The following PLS3 variants were observed in gnomAD, a reference collection of about 807,000 sequenced individuals.
The protein encoded by PLS3 is plastin 3.
A neutral mutation model predicts 46.5 loss-of-function variants in PLS3; 11 were observed. That is an observed-to-expected ratio of 0.24 (90% CI 0.15 to 0.39). The LOEUF (loss-of-function observed/expected upper bound fraction) is 0.39. Among genes scored for constraint, PLS3 ranks in the 10% least tolerant of loss-of-function variants. The pLI is 1.00. For missense variants in PLS3, 308 were observed against 461.8 expected (o/e 0.67, Z 3.05); for synonymous variants, 167 against 162.2 (o/e 1.03, Z -0.22).
In PLS3 at chrX:115,647,555, C is replaced by T; in HGVS notation, c.1517C>T (p.Thr506Ile). ...ALVWQLMRRYTLNVLEDLGDG... is the reference protein window; with the variant it reads ...ALVWQLMRRYILNVLEDLGDG... Reference sequence around the variant, plus strand: ...TCTTCTGCTGCCTCTCTTAGATATACCCTCAATGTCCTGGAAGATCTTGGA... The same window carrying T: ...TCTTCTGCTGCCTCTCTTAGATATATCCTCAATGTCCTGGAAGATCTTGGA... The change falls in exon 14 of 16, where the codon ACC (threonine) becomes ATC (isoleucine). Residue 506 changes from threonine (T) to isoleucine (I), a missense_variant. By Grantham distance (89) the Thr-to-Ile change is moderately conservative. Around this residue, in one of 2 missense-constraint regions of PLS3, gnomAD observed 271 missense variants for 435.7 expected, o/e 0.62. Coordinates refer to ENST00000355899, the MANE Select transcript of PLS3 (RefSeq NM_005032.7). 1 of 1,205,319 alleles carries T rather than the reference C, an allele frequency of 8.3e-7. No individual in the cohort carries two copies. Among genetic ancestry groups the T allele is most frequent in the Non-Finnish European group, 1.1e-6 (1 of 889,713 alleles).
At chrX:115,645,649 T>A (rs781960758) in intron 11 of PLS3, among the ~76,000 whole-genome samples, 1 of 111,587 alleles carries the variant, frequency 9.0e-6, no homozygotes, top group South Asian at 3.9e-4. Flanking sequence ...ATTCAAAGAT[T>A]TCCTGACTAC....
intron 15 of PLS3, among the ~76,000 whole-genome samples, chrX:115,648,994 T>C (rs1449586563): frequency 2.7e-5 from 3 of 110,945 alleles, no homozygotes; most frequent in Non-Finnish European, 5.7e-5. Flanking sequence ...TCATGAATAC[T>C]TGGAAGTATT....
intron 9 of PLS3, among the ~76,000 whole-genome samples, chrX:115,641,147 T>G (rs1416906716): frequency 9.1e-6 from 1 of 110,443 alleles, no homozygotes; most frequent in African/African-American, 3.3e-5. Context: ...TGCTACTAAT[T>G]AACAAAATCC....
At chrX:115,587,542 T>C (rs1214640660) in intron 1 of PLS3, among the ~76,000 whole-genome samples, 14 of 111,407 alleles carry the variant, frequency 1.3e-4, no homozygotes, top group South Asian at 1.1e-3. Flanking sequence ...GAGACCATCC[T>C]GGCTAACACG....
intron 1 of PLS3, among the ~76,000 whole-genome samples, chrX:115,571,268 A>G (rs1556630693): frequency 8.9e-6 from 1 of 111,837 alleles, no homozygotes; most frequent in East Asian, 2.8e-4. Context: ...GTGTAATCCC[A>G]ACACTTTGGG....
At chrX:115,648,585 C>T (rs1419868772) in intron 15 of PLS3, among the ~76,000 whole-genome samples, 1 of 111,001 alleles carries the variant, frequency 9.0e-6, no homozygotes, top group African/African-American at 3.3e-5. Flanking sequence ...AGAGTGTGAC[C>T]TGGCTTCATG....
chrX:115,598,705 G>A (rs1458389128), intron 1 of PLS3, among the ~76,000 whole-genome samples: 1 of 112,132 alleles, frequency 8.9e-6, no homozygotes, highest in Non-Finnish European at 1.9e-5. Flanking sequence ...CTGATACAAT[G>A]GGAGTGGTTG....
chrX:115,567,622 CAAA>C (rs200775900), intron 1 of PLS3, among the ~76,000 whole-genome samples: 1 of 100,434 alleles, frequency 1.0e-5, no homozygotes, highest in Non-Finnish European at 2.0e-5. Context: ...AACAAACAAA[CAAA>C]AAAAAACAGA....
chrX:115,618,447 A>G (rs2147507404), intron 2 of PLS3, among the ~76,000 whole-genome samples: 1 of 111,012 alleles, frequency 9.0e-6, no homozygotes, highest in Admixed American at 9.6e-5. Context: ...TTAGCTGGGC[A>G]TAGTGGTGAG....
chrX:115,627,407 T>A (rs782222349), intron 3 of PLS3, among the ~76,000 whole-genome samples: 1 of 111,868 alleles, frequency 8.9e-6, no homozygotes, highest in Non-Finnish European at 1.9e-5. Flanking sequence ...ATGTTAGGCA[T>A]GAAGAAATGC....
At chrX:115,643,773 C>T (rs1485584580) in intron 10 of PLS3, among the ~76,000 whole-genome samples, 2 of 111,245 alleles carry the variant, frequency 1.8e-5, no homozygotes, top group African/African-American at 6.5e-5. Flanking sequence ...TAGTTTGAGA[C>T]CAGCCTGACC....
intron 1 of PLS3, among the ~76,000 whole-genome samples, chrX:115,592,640 C>A (rs1556633285): frequency 1.8e-5 from 2 of 111,641 alleles, no homozygotes; most frequent in Non-Finnish European, 3.8e-5. Flanking sequence ...GATTGCTAGA[C>A]CAGTTAAAGG....
intron 2 of PLS3, among the ~76,000 whole-genome samples, chrX:115,619,767 G>A (rs1020486775): frequency 1.1e-4 from 12 of 112,361 alleles, no homozygotes; most frequent in African/African-American, 2.9e-4. Flanking sequence ...CAGCCATGCC[G>A]GGGAGCTGAG....
chrX:115,607,924 G>A (rs1180986279), intron 1 of PLS3, among the ~76,000 whole-genome samples: 1 of 112,080 alleles, frequency 8.9e-6, no homozygotes, highest in African/African-American at 3.2e-5. Context: ...AGAAACCTGA[G>A]TGTGAATTCC....
rs781822715 is a variant in PLS3 at position 115,621,679 on chromosome X, C to T, written c.74-567C>T. Among the ~76,000 whole-genome samples, 42 of 111,726 alleles carry T rather than the reference C, an allele frequency of 3.8e-4. 1 individual carries two copies. The South Asian group carries it at 0.016, about 42-fold the overall frequency. ...TTATTTATAGAGTCATATTAAATATCTGCTTTCCTCAGTAGTGCATTTATT... is the reference window on the plus strand; with the variant it reads ...TTATTTATAGAGTCATATTAAATATTTGCTTTCCTCAGTAGTGCATTTATT... On this transcript the variant is annotated intron_variant, in intron 2 of 15. Coordinates refer to ENST00000355899, the MANE Select transcript of PLS3 (RefSeq NM_005032.7).
intron 1 of PLS3, among the ~76,000 whole-genome samples, chrX:115,607,478 T>A (rs942877439): frequency 9.9e-6 from 1 of 100,658 alleles, no homozygotes; most frequent in Non-Finnish European, 2.0e-5. Flanking sequence ...ATATCTTTTT[T>A]AAAGAGTCTA....
chrX:115,635,096 A>G (rs782586928), intron 7 of PLS3, 50 bp downstream of exon 7: 3 of 1,071,414 alleles, frequency 2.8e-6, no homozygotes. Context: ...ATTTTTTTCT[A>G]GTCATGCAGA....
intron 1 of PLS3, among the ~76,000 whole-genome samples, chrX:115,607,852 CAT>C (rs2074509786): frequency 8.9e-6 from 1 of 111,751 alleles, no homozygotes; most frequent in African/African-American, 3.2e-5. Context: ...GTGTCTGTTA[CAT>C]TATGGTAAAA....
chrX:115,638,497 G>T (rs895532931), intron 8 of PLS3, among the ~76,000 whole-genome samples: 2 of 110,253 alleles, frequency 1.8e-5, no homozygotes, highest in Admixed American at 1.9e-4. Context: ...CTCCCACCTC[G>T]GCCTCCTAAA....
Sources: gnomAD v4.1 joint callset for allele counts (sites outside exome capture counted in the v4.1 genomes callset) on GRCh38, gnomAD v4.1.1 for gene constraint, gnomAD v4.1.1 regional missense constraint, MANE v1.5 for transcripts, NCBI Gene and HGNC (gene_info 2026-07-23, HGNC 2026-07-21) for gene names.